Variants in FGF14 observed in about 807,000 individuals in gnomAD.
FGF14 encodes fibroblast growth factor homologous factor 4.
A neutral mutation model predicts 25.5 loss-of-function variants in FGF14; 5 were observed. That is an observed-to-expected ratio of 0.20 (90% CI 0.10 to 0.41). The LOEUF (loss-of-function observed/expected upper bound fraction) is 0.41. FGF14 is among the 10% of genes least tolerant of loss of function. The pLI is 1.00. For synonymous variants in FGF14, 138 were observed against 118.3 expected, an observed-to-expected ratio of 1.17 and a Z score of -1.08; for missense variants, 222 against 320.1, an observed-to-expected ratio of 0.69 and a Z score of 2.34.
At position 102,238,965 on chromosome 13, in the gene FGF14, T is replaced by G. The variant is rs185140158; in HGVS notation, c.208+162506A>C. ...AGTTCTGTACACCTATGACCTATGTTGCCTATCTGCTTAATGGAGTGGAAA... is the reference window on the plus strand; with the variant it reads ...AGTTCTGTACACCTATGACCTATGTGGCCTATCTGCTTAATGGAGTGGAAA... On this transcript the variant is annotated intron_variant, in intron 1 of 4. Coordinates refer to the FGF14 transcript ENST00000376131. Among the ~76,000 whole-genome samples the G allele has an allele frequency of 1.1e-4, 17 of 152,198 alleles. No homozygotes were observed. The East Asian group carries it at 2.7e-3, about 24-fold the overall frequency.
intron 1 of FGF14, among the ~76,000 whole-genome samples, chr13:102,223,770 T>C (rs531858600): frequency 1.3e-5 from 2 of 152,316 alleles, no homozygotes; most frequent in East Asian, 3.9e-4. Flanking sequence ...ACTTATAAAA[T>C]GTTCTGCCCT....
chr13:102,016,550 G>A (rs1159039648), intron 1 of FGF14, among the ~76,000 whole-genome samples: 1 of 152,040 alleles, frequency 6.6e-6, no homozygotes, highest in Non-Finnish European at 1.5e-5. Context: ...AGATTACATA[G>A]TAATATTTTT....
chr13:101,867,648 CT>C, intron 3 of FGF14, among the ~76,000 whole-genome samples: 1 of 152,194 alleles, frequency 6.6e-6, no homozygotes, highest in South Asian at 2.1e-4. Context: ...CTTGATCCTG[CT>C]GGCAACATGC....
intron 1 of FGF14, among the ~76,000 whole-genome samples, chr13:102,008,894 C>T (rs1231184142): frequency 1.3e-5 from 2 of 152,146 alleles, no homozygotes; most frequent in South Asian, 2.1e-4. Context: ...TCCTGTTATA[C>T]GATCTAATTT....
chr13:102,358,152 T>C (rs1566960006), intron 1 of FGF14, among the ~76,000 whole-genome samples: 1 of 152,228 alleles, frequency 6.6e-6, no homozygotes, highest in East Asian at 1.9e-4. Flanking sequence ...ACATAATTTT[T>C]TAAACCCTTG....
chr13:102,041,597 G>T (rs1479408834), intron 1 of FGF14, among the ~76,000 whole-genome samples: 1 of 117,602 alleles, frequency 8.5e-6, no homozygotes, highest in Non-Finnish European at 1.7e-5. Flanking sequence ...AAAAAAAAAA[G>T]AGAGATTTTA....
chr13:101,850,499 TATATATATATATATA>T (rs1566311386), intron 3 of FGF14, among the ~76,000 whole-genome samples: 704 of 2,914 alleles, frequency 0.24, 164 homozygotes, highest in South Asian at 0.45. Flanking sequence ...TATATATATA[TATATATATATATATA>T]GAATTATATA....
At chr13:101,895,598 C>T (rs1184996973) in intron 1 of FGF14, among the ~76,000 whole-genome samples, 1 of 152,138 alleles carries the variant, frequency 6.6e-6, no homozygotes, top group African/African-American at 2.4e-5. Context: ...AGAAGGGTCA[C>T]TGAAGTGCAA....
chr13:101,752,369 ATTT>A (rs2037344577), intron 3 of FGF14, among the ~76,000 whole-genome samples: 1 of 152,348 alleles, frequency 6.6e-6, no homozygotes, highest in African/African-American at 2.4e-5. Context: ...ATGTAAATGA[ATTT>A]TTAACATATT....
intron 1 of FGF14, among the ~76,000 whole-genome samples, chr13:102,166,546 A>G (rs902101026): frequency 1.3e-5 from 2 of 151,970 alleles, no homozygotes; most frequent in African/African-American, 4.8e-5. Context: ...TTAGTGCCAT[A>G]TTTTTTGAGT....
At chr13:101,907,418 G>A (rs144114844) in intron 1 of FGF14, among the ~76,000 whole-genome samples, 5 of 152,236 alleles carry the variant, frequency 3.3e-5, no homozygotes, top group East Asian at 1.9e-4. Context: ...AAAGTATTTC[G>A]ATGCTAACTT....
intron 1 of FGF14, among the ~76,000 whole-genome samples, chr13:102,154,222 A>G (rs926675911): frequency 2.0e-5 from 3 of 152,138 alleles, no homozygotes; most frequent in Non-Finnish European, 4.4e-5. Flanking sequence ...TGTCAGATTC[A>G]CCAAAGTTGA....
At chr13:102,273,826 C>T (rs1167573674) in intron 1 of FGF14, among the ~76,000 whole-genome samples, 4 of 151,602 alleles carry the variant, frequency 2.6e-5, no homozygotes, top group African/African-American at 9.7e-5. Context: ...GTAGTCTCAA[C>T]TACTTAAAAG....
intron 1 of FGF14, among the ~76,000 whole-genome samples, chr13:102,340,936 A>T (rs1204779343): frequency 1.3e-5 from 2 of 152,200 alleles, no homozygotes; most frequent in African/African-American, 4.8e-5. Context: ...TGATGCTGAG[A>T]TTTTTATTAA....
intron 1 of FGF14, among the ~76,000 whole-genome samples, chr13:102,304,605 A>G (rs1357004307): frequency 6.6e-6 from 1 of 152,170 alleles, no homozygotes; most frequent in Non-Finnish European, 1.5e-5. Flanking sequence ...CATATCAAAT[A>G]AGATAACCTG....
rs368235079 is a variant in FGF14, at chr13:101,924,222, A to G, written c.209-48926T>C. Among the ~76,000 whole-genome samples the G allele has an allele frequency of 6.6e-5, 10 of 152,122 alleles. No homozygotes were observed. The East Asian group carries it at 1.5e-3, about 23-fold the overall frequency. On this transcript the variant is annotated intron_variant, in intron 1 of 4. Coordinates refer to the FGF14 transcript ENST00000376131. ...AGAGTCCCTGTGCACATGTGATATA[A>G]TCTTTTTCATATTTAGCACTGTAAT... is the stretch of plus-strand genomic sequence containing the variant.
chr13:101,804,002 C>T (rs1343991710), intron 3 of FGF14, among the ~76,000 whole-genome samples: 2 of 150,798 alleles, frequency 1.3e-5, no homozygotes, highest in Admixed American at 6.6e-5. Context: ...CTGGAAAGGG[C>T]ATAAGATCAA....
chr13:102,248,265 T>C (rs1407213301), intron 1 of FGF14, among the ~76,000 whole-genome samples: 1 of 152,142 alleles, frequency 6.6e-6, no homozygotes, highest in African/African-American at 2.4e-5. Flanking sequence ...TAAAAGTATA[T>C]ACTTTGCTTG....
At chr13:102,246,542 T>A (rs2051879134) in intron 1 of FGF14, among the ~76,000 whole-genome samples, 1 of 152,046 alleles carries the variant, frequency 6.6e-6, no homozygotes, top group South Asian at 2.1e-4. Context: ...CAAATCCTTG[T>A]TATTCATTGG....
Sources: gnomAD v4.1 joint callset for allele counts (sites outside exome capture counted in the v4.1 genomes callset) on GRCh38, gnomAD v4.1.1 for gene constraint, MANE v1.5 for transcripts, NCBI Gene and HGNC (gene_info 2026-07-23, HGNC 2026-07-21) for gene names.